The following SPAG16 variants were observed in gnomAD, a reference collection of about 807,000 sequenced individuals.
The protein encoded by SPAG16 is sperm-associated antigen 16 protein.
A neutral mutation model predicts 80.4 loss-of-function variants in SPAG16; 86 were observed. The ratio of observed to expected loss-of-function variants is 1.07; its 90% CI spans 0.90 to 1.28. The LOEUF is 1.28. SPAG16 is among the 50% of genes most tolerant of loss of function. SPAG16 has a pLI of 0.00. For missense variants in SPAG16, 870 were observed against 765.3 expected (o/e 1.14, Z -1.61); for synonymous variants, 294 against 265.9 (o/e 1.11, Z -1.03).
intron 10 of SPAG16, among the ~76,000 whole-genome samples, chr2:213,505,071 G>T (rs984828457): frequency 6.6e-6 from 1 of 152,164 alleles, no homozygotes; most frequent in Non-Finnish European, 1.5e-5. Context: ...AATATCATTT[G>T]TATCAGTGAC....
intron 12 of SPAG16, among the ~76,000 whole-genome samples, chr2:214,006,632 A>C (rs2047037810): frequency 6.6e-6 from 1 of 152,236 alleles, no homozygotes; most frequent in African/African-American, 2.4e-5. Flanking sequence ...TTCAGTGTTT[A>C]TGTTTTGATG....
intron 3 of SPAG16, among the ~76,000 whole-genome samples, chr2:213,299,306 C>CT (rs879661896): frequency 2.1e-3 from 301 of 142,632 alleles, no homozygotes; most frequent in African/African-American, 3.6e-3. Flanking sequence ...TTATGATTTC[C>CT]TTTTTTTTTT....
intron 12 of SPAG16, among the ~76,000 whole-genome samples, chr2:213,936,059 G>T (rs1212860138): frequency 6.6e-6 from 1 of 152,122 alleles, no homozygotes; most frequent in Non-Finnish European, 1.5e-5. Context: ...TTTTAAACAG[G>T]AAGGTCGAGA....
At chr2:213,839,992 G>C (rs1367409011) in intron 10 of SPAG16, among the ~76,000 whole-genome samples, 1 of 152,176 alleles carries the variant, frequency 6.6e-6, no homozygotes, top group African/African-American at 2.4e-5. Context: ...GAAAGAGAAA[G>C]CCATGTGCTC....
chr2:214,255,873 G>T (rs151274231), intron 15 of SPAG16, among the ~76,000 whole-genome samples: 1 of 151,860 alleles, frequency 6.6e-6, no homozygotes, highest in Non-Finnish European at 1.5e-5. Context: ...ATTAATGTGG[G>T]CATGAGGTGT....
At chr2:213,923,663 G>T (rs2078325919) in intron 11 of SPAG16, among the ~76,000 whole-genome samples, 1 of 152,148 alleles carries the variant, frequency 6.6e-6, no homozygotes, top group African/African-American at 2.4e-5. Context: ...AAGAGGCTGT[G>T]CCCTCCAGCT....
intron 13 of SPAG16, among the ~76,000 whole-genome samples, chr2:214,099,329 GTTAA>G (rs2052828090): frequency 6.6e-6 from 1 of 152,048 alleles, no homozygotes; most frequent in African/African-American, 2.4e-5. Flanking sequence ...TAGGCATTAT[GTTAA>G]TTGCTTTACA....
At chr2:213,392,956 T>C (rs993103800) in intron 9 of SPAG16, among the ~76,000 whole-genome samples, 1 of 152,200 alleles carries the variant, frequency 6.6e-6, no homozygotes, top group Non-Finnish European at 1.5e-5. Context: ...CATGCCATGT[T>C]AAATAGATAA....
At chr2:213,664,153 G>C (rs1339960270) in intron 10 of SPAG16, among the ~76,000 whole-genome samples, 1 of 151,898 alleles carries the variant, frequency 6.6e-6, no homozygotes, top group African/African-American at 2.4e-5. Flanking sequence ...TGTTTCCACT[G>C]TCACATAGGC....
At chr2:214,286,459 A>C (rs2125922253) in intron 15 of SPAG16, among the ~76,000 whole-genome samples, 1 of 152,066 alleles carries the variant, frequency 6.6e-6, no homozygotes, top group South Asian at 2.1e-4. Flanking sequence ...ATAAAAAAAT[A>C]ACAGAGGCTG....
chr2:213,932,950 AC>A (rs2078832553), intron 12 of SPAG16, among the ~76,000 whole-genome samples: 2 of 6,468 alleles, frequency 3.1e-4, no homozygotes, highest in African/African-American at 6.7e-4. Flanking sequence ...TTGTTTGAAA[AC>A]ACACACACAC....
intron 10 of SPAG16, among the ~76,000 whole-genome samples, chr2:213,664,392 G>A (rs866852758): frequency 6.6e-6 from 1 of 151,986 alleles, no homozygotes; most frequent in Non-Finnish European, 1.5e-5. Context: ...AACTATATTT[G>A]TTATTTAAAC....
intron 10 of SPAG16, among the ~76,000 whole-genome samples, chr2:213,522,144 T>C (rs1261851072): frequency 6.6e-6 from 1 of 152,216 alleles, no homozygotes. Flanking sequence ...AATGGCATAT[T>C]TGACAGAAAA....
chr2:214,148,007 G>A (rs1173077978), intron 14 of SPAG16, among the ~76,000 whole-genome samples: 2 of 152,082 alleles, frequency 1.3e-5, no homozygotes, highest in African/African-American at 4.8e-5. Context: ...ATAACGTAGG[G>A]AGAAAATGAG....
Position 214,041,966 on chromosome 2 carries a change from GTGTC to G in SPAG16, c.1527+27893_1527+27896del, listed in dbSNP as rs1344348732. On this transcript the variant is annotated intron_variant, in intron 13 of 15. Coordinates refer to ENST00000331683, the MANE Select transcript of SPAG16 (RefSeq NM_024532.5). ...ATATATAGTTTGTGTATATATTTGTGTGTCTGTGTGTGTATATATATATATATAT... is the reference window on the plus strand; with the variant it reads ...ATATATAGTTTGTGTATATATTTGTGTGTGTGTGTATATATATATATATAT... 1.9e-3 allele frequency among the ~76,000 whole-genome samples: 197 copies of G among 103,482 alleles called. 4 individuals carry two copies. The highest frequency in any genetic ancestry group is 5.7e-3 in the African/African-American group (152 of 26,738). 67.9% of individuals were successfully genotyped at this position (103,482 alleles called of 152,430 possible).
intron 15 of SPAG16, among the ~76,000 whole-genome samples, chr2:214,378,498 A>C (rs1417571525): frequency 2.6e-5 from 4 of 152,198 alleles, no homozygotes. Context: ...GTTCCCTTAT[A>C]AGTTTGGGAA....
chr2:213,981,140 C>T (rs2045727463), intron 12 of SPAG16, among the ~76,000 whole-genome samples: 1 of 151,092 alleles, frequency 6.6e-6, no homozygotes, highest in Admixed American at 6.6e-5. Flanking sequence ...CTCACTGTGT[C>T]CTCACTTGGC....
intron 15 of SPAG16, among the ~76,000 whole-genome samples, chr2:214,184,425 G>T (rs2057405999): frequency 6.6e-6 from 1 of 151,838 alleles, no homozygotes; most frequent in Admixed American, 6.6e-5. Context: ...AATGTAATTG[G>T]GTTAGCTAGG....
chr2:214,015,964 A>C (rs2047572669), intron 13 of SPAG16, among the ~76,000 whole-genome samples: 1 of 152,142 alleles, frequency 6.6e-6, no homozygotes, highest in African/African-American at 2.4e-5. Context: ...AAGCATAGGA[A>C]GTTTATCCAA....
Sources: allele counts gnomAD v4.1 joint callset (sites outside exome capture counted in the v4.1 genomes callset), GRCh38; gene constraint gnomAD v4.1.1; transcripts MANE v1.5; gene names NCBI Gene and HGNC (gene_info 2026-07-23, HGNC 2026-07-21).